Variants in MROH2A observed in about 807,000 individuals in gnomAD.
The protein encoded by MROH2A is maestro heat-like repeat-containing protein family member 2A.
Under a neutral mutation model 200.4 loss-of-function variants are expected in MROH2A, and 174 were observed. That is an observed-to-expected ratio of 0.87 (90% CI 0.77 to 0.98). The LOEUF (loss-of-function observed/expected upper bound fraction) is 0.98. MROH2A is among the 50% of genes least tolerant of loss of function. The pLI, the probability that MROH2A is intolerant of heterozygous loss-of-function variation, is 0.00. For synonymous variants in MROH2A, 829 were observed against 840.4 expected (o/e 0.99, Z 0.23); for missense variants, 2,045 against 2,139.6 (o/e 0.96, Z 0.87).
At chr2:233,823,730 G>A in intron 35 of MROH2A, 66 bp downstream of exon 35, 1 of 1,523,766 alleles carries the variant, frequency 6.6e-7, no homozygotes, top group Admixed American at 2.0e-5. Context: ...GGATTCTTCT[G>A]GGGATGGCTT....
chr2:233,788,660 G>A (rs1037614692), intron 3 of MROH2A, among the ~76,000 whole-genome samples: 5 of 151,984 alleles, frequency 3.3e-5, no homozygotes, highest in Non-Finnish European at 5.9e-5. Flanking sequence ...CTTGTCAGCC[G>A]GGCGTGGTGG....
chr2:233,789,849 C>A lies in MROH2A; in HGVS notation c.409-3C>A, dbSNP rs750353407. 1 of 1,547,850 alleles carries A rather than the reference C, an allele frequency of 6.5e-7. No individual in the cohort carries two copies. Among genetic ancestry groups the A allele is most frequent in the South Asian group, 1.2e-5 (1 of 83,778 alleles). On this transcript the variant is annotated splice_polypyrimidine_tract_variant and splice_region_variant and intron_variant, in intron 4 of 41. Coordinates refer to ENST00000389758, the MANE Select transcript of MROH2A (RefSeq NM_001394639.1). ...CCATATGTCCCTCTTCTGTCTCCTG[C>A]AGATGGAGGGCTATATGAAGGCAGA...
chr2:233,832,106 C>T (rs994784587), intron 39 of MROH2A, 71 bp from the exon 40 acceptor site: 66 of 1,280,602 alleles, frequency 5.2e-5, no homozygotes, highest in Middle Eastern at 1.8e-4. Context: ...GATGGGAACA[C>T]GCTTGATGAA....
rs185220247 is a variant in MROH2A, at chr2:233,792,940, C to G, written c.670+46C>G. 4.6e-6 allele frequency: 7 copies of G among 1,533,860 alleles called. No homozygotes were observed. In the Admixed American group the frequency reaches 1.2e-4, roughly 26 times the overall value. ...TGCAGGTCTGGCTCGATCAGGGCGC[C>G]GGAGGGAGACTGCTGGGTAAGGAGC... On this transcript the variant is annotated intron_variant, in intron 6 of 41. Transcript: ENST00000389758.
chr2:233,815,382 T>C (rs1559471341), intron 26 of MROH2A, among the ~76,000 whole-genome samples: 1 of 152,252 alleles, frequency 6.6e-6, no homozygotes, highest in Non-Finnish European at 1.5e-5. Context: ...CCCAATATCT[T>C]TTAATGAGCA....
At chr2:233,818,525 C>T (rs951816840) in intron 28 of MROH2A, 127 bp from the exon 29 acceptor site, 22 of 718,480 alleles carry the variant, frequency 3.1e-5, no homozygotes, top group Middle Eastern at 3.6e-4. Context: ...AAGGTCAGAA[C>T]GCCTGGGACG....
At position 233,805,069 on chromosome 2, in the gene MROH2A, G is replaced by T. The variant is rs1201707038; in HGVS notation, c.2010G>T (p.Leu670=). 2 of 1,550,170 alleles carry T rather than the reference G, an allele frequency of 1.3e-6. No individual in the cohort carries two copies. Among genetic ancestry groups the T allele is most frequent in the South Asian group, 2.4e-5 (2 of 84,014 alleles). The change falls in exon 19 of 42, where the codon CTG becomes CTT. Residue 670 remains leucine, a synonymous_variant. Coordinates refer to ENST00000389758, the MANE Select transcript of MROH2A (RefSeq NM_001394639.1). The part of the protein sequence containing the change: ...SSWSLRLSKE[L]NNQIASFDSP... ...GGAGCCTGCGCTTGAGTAAAGAGCTGAACAACCAGATTGCGAGCTTTGACA... is the reference window on the plus strand; with the variant it reads ...GGAGCCTGCGCTTGAGTAAAGAGCTTAACAACCAGATTGCGAGCTTTGACA...
intron 3 of MROH2A, among the ~76,000 whole-genome samples, chr2:233,787,094 C>T (rs1333056693): frequency 1.3e-5 from 2 of 152,184 alleles, no homozygotes; most frequent in African/African-American, 4.8e-5. Flanking sequence ...CAGAACCAAG[C>T]TCTGCTCTGG....
chr2:233,823,801 CT>C (rs1704126403), intron 35 of MROH2A, 137 bp downstream of exon 35: 6 of 1,067,792 alleles, frequency 5.6e-6, no homozygotes, highest in South Asian at 4.7e-5. Context: ...TGCTCATTCT[CT>C]CATCTGCTCC....
Position 233,829,629 on chromosome 2 carries a change from C to A in MROH2A, c.4456C>A (p.Leu1486Met). 1 of 1,426,906 alleles carries A rather than the reference C, an allele frequency of 7.0e-7. No homozygotes were observed. 88.4% of individuals were successfully genotyped at this position (1,426,906 alleles called of 1,614,324 possible). The change falls in exon 38 of 42, where the codon CTG becomes ATG. Residue 1486 changes from leucine (L) to methionine (M), a missense_variant. Leu to Met is a conservative substitution (Grantham distance 15, BLOSUM62 2). Around this residue, in one of 3 missense-constraint regions of MROH2A, gnomAD observed 1,201 missense variants for 1,311.3 expected, o/e 0.92. Coordinates refer to ENST00000389758, the MANE Select transcript of MROH2A (RefSeq NM_001394639.1). The part of the protein sequence containing the change: ...CRIFFDNESE[L>M]LRLKAFILFG... ...TCCATCCTGGCCACAGGAGAGCGAG[C>A]TGCTGCGTCTGAAAGCCTTCATCCT... is the stretch of plus-strand genomic sequence containing the variant.
At chr2:233,797,058 A>G (rs550428723) in intron 11 of MROH2A, among the ~76,000 whole-genome samples, 14 of 152,374 alleles carry the variant, frequency 9.2e-5, no homozygotes, top group African/African-American at 2.2e-4. Context: ...TTTGCAGGCC[A>G]TATAGTGTCT....
At chr2:233,777,681 T>G (rs529890312), upstream of MROH2A, among the ~76,000 whole-genome samples, 49 of 152,318 alleles carry the variant, frequency 3.2e-4, no homozygotes, top group African/African-American at 1.1e-3. Context: ...TGGGCAAACT[T>G]GGAGTGGAAA....
Position 233,805,020 on chromosome 2 carries a change from T to C in MROH2A, c.1961T>C (p.Leu654Pro). Residue 654 changes from leucine (L) to proline (P), a missense_variant, in exon 19 of 42, where the codon CTC becomes CCC. Transcript: ENST00000389758. Reference protein sequence around the residue: ...DKLIQFLRNSLKKTRGSSWSL... With the variant: ...DKLIQFLRNSPKKTRGSSWSL... ...CCTCCCCAGTTTCTGCGAAACTCCC[T>C]CAAGAAGACCCGGGGGTCTAGCTGG... 6.5e-7 allele frequency: 1 copy of C among 1,549,900 alleles called. No homozygotes were observed. The highest frequency in any genetic ancestry group is 1.7e-4 in the Middle Eastern group (1 of 5,984).
chr2:233,804,310 C>A, intron 17 of MROH2A, 118 bp downstream of exon 17: 1 of 1,441,944 alleles, frequency 6.9e-7, no homozygotes, highest in Non-Finnish European at 9.4e-7. Context: ...ACACAGCCAG[C>A]CCACTTTTGT....
In MROH2A at chr2:233,795,630, C is replaced by T. The variant is rs77818467; in HGVS notation, c.967-23C>T. The T allele has an allele frequency of 3.8e-3, 5,911 of 1,550,840 alleles. 185 individuals carry two copies. The African/African-American group carries it at 0.065, about 17-fold the overall frequency. On this transcript the variant is annotated intron_variant, in intron 8 of 41. Transcript: ENST00000389758. ...CTTGAGTTGGTAGAAGGTCACCTGC[C>T]ACCATTTGCCAATCCACTGCAGGTC...
chr2:233,821,985 CG>C (rs1157919498), intron 31 of MROH2A, 138 bp from the exon 32 acceptor site: 1 of 1,028,620 alleles, frequency 9.7e-7, no homozygotes, highest in African/African-American at 1.6e-5. Flanking sequence ...CAAATTTTGG[CG>C]GCTCCCTCCG....
At chr2:233,821,773 C>T (rs996767140) in intron 31 of MROH2A, among the ~76,000 whole-genome samples, 6 of 151,896 alleles carry the variant, frequency 4.0e-5, no homozygotes, top group Non-Finnish European at 7.4e-5. Context: ...AGAAAGCTAC[C>T]GACAACCAAC....
chr2:233,813,697 G>C lies in MROH2A; in HGVS notation c.2679G>C (p.Glu893Asp). Residue 893 changes from glutamate (E) to aspartate (D), a missense_variant, in exon 25 of 42, where the codon GAG becomes GAC. Transcript: ENST00000389758. ...LSKLKPFYST[E>D]ENSELMDISI... ...AGCTGAAGCCTTTCTACTCCACAGA[G>C]GAAAACAGTGAGCTGATGGATATCA... The C allele has an allele frequency of 6.5e-7, 1 of 1,549,990 alleles. No homozygotes were observed. The highest frequency in any genetic ancestry group is 1.2e-5 in the South Asian group (1 of 83,982).
chr2:233,800,180 G>T, intron 13 of MROH2A, 25 bp from the exon 14 acceptor site: 1 of 1,496,966 alleles, frequency 6.7e-7, no homozygotes, highest in South Asian at 1.2e-5. Flanking sequence ...GCCACAGGTG[G>T]GAATCCCTTG....
Sources: allele counts gnomAD v4.1 joint callset (sites outside exome capture counted in the v4.1 genomes callset), GRCh38; gene constraint gnomAD v4.1.1; regional missense constraint gnomAD v4.1.1; transcripts MANE v1.5; gene names NCBI Gene and HGNC (gene_info 2026-07-23, HGNC 2026-07-21).